UNC5C: variants seen among roughly 807,000 people sequenced by gnomAD.
UNC5C encodes netrin receptor UNC5C.
In UNC5C, 47 loss-of-function variants were observed where a neutral mutation model predicts 99.8. The observed-to-expected ratio is 0.47, with a 90% CI of 0.37 to 0.60. The LOEUF is 0.60. UNC5C is among the 20% of genes least tolerant of loss of function. The pLI is 0.00. For synonymous variants in UNC5C, 487 were observed against 452.2 expected, an observed-to-expected ratio of 1.08 and a Z score of -0.98; for missense variants, 1,062 against 1,165.9, an observed-to-expected ratio of 0.91 and a Z score of 1.30.
chr4:95,532,519 C>A (rs1048064365), intron 1 of UNC5C, among the ~76,000 whole-genome samples: 1 of 151,412 alleles, frequency 6.6e-6, no homozygotes, highest in Non-Finnish European at 1.5e-5. Context: ...CTGGAGACAC[C>A]AGAATCAACT....
intron 1 of UNC5C, among the ~76,000 whole-genome samples, chr4:95,372,568 G>A (rs1230896374): frequency 6.6e-6 from 1 of 152,112 alleles, no homozygotes; most frequent in Non-Finnish European, 1.5e-5. Context: ...TTGAGAAATA[G>A]TCAAAAACAT....
At chr4:95,247,614 T>A (rs773713708) in intron 5 of UNC5C, among the ~76,000 whole-genome samples, 4 of 152,170 alleles carry the variant, frequency 2.6e-5, no homozygotes, top group Non-Finnish European at 4.4e-5. Context: ...AGAATCCTGG[T>A]TAAAAGACCC....
rs1260024385 is a variant in UNC5C at position 95,448,225 on chromosome 4, T to TGAGAGAGAGAGAGAGAGA, written c.124+100508_124+100509insTCTCTCTCTCTCTCTCTC. Among the ~76,000 whole-genome samples, 84 of 105,694 alleles carry TGAGAGAGAGAGAGAGAGA rather than the reference T, an allele frequency of 7.9e-4. 1 individual carries two copies. Among genetic ancestry groups the TGAGAGAGAGAGAGAGAGA allele is most frequent in the East Asian group, 1.6e-3 (6 of 3,676 alleles). The allele number at this position is 105,694 out of a possible 152,430, so 69.3% of individuals were successfully genotyped here. A position where few individuals can be genotyped will look rare whatever the true frequency, so the allele number is the denominator to read the frequency against. On this transcript the variant is annotated intron_variant, in intron 1 of 15. Coordinates refer to ENST00000453304, the MANE Select transcript of UNC5C (RefSeq NM_003728.4). ...CTGTGTGTGTGTGTGTGTGTGTGTG[T>TGAGAGAGAGAGAGAGAGA]GTGAGAGAGAGAGAGAGAGAGAGAG...
chr4:95,542,958 A>G, intron 1 of UNC5C, among the ~76,000 whole-genome samples: 1 of 152,130 alleles, frequency 6.6e-6, no homozygotes, highest in East Asian at 1.9e-4. Context: ...TTCTTTTTTT[A>G]AAACTAGAAA....
chr4:95,301,134 T>G (rs541431210), intron 3 of UNC5C, among the ~76,000 whole-genome samples: 21 of 151,498 alleles, frequency 1.4e-4, no homozygotes, highest in African/African-American at 5.1e-4. Context: ...AATGAAATCT[T>G]GGCGACCTAA....
At chr4:95,360,125 T>C (rs1744343288) in intron 1 of UNC5C, among the ~76,000 whole-genome samples, 1 of 152,196 alleles carries the variant, frequency 6.6e-6, no homozygotes, top group African/African-American at 2.4e-5. Context: ...TTATTAGTTA[T>C]AGGTCTAAAC....
intron 1 of UNC5C, among the ~76,000 whole-genome samples, chr4:95,535,634 A>G (rs1722753599): frequency 6.6e-6 from 1 of 152,196 alleles, no homozygotes; most frequent in African/African-American, 2.4e-5. Context: ...TTTGCAAAGG[A>G]CATATTTTAG....
intron 1 of UNC5C, among the ~76,000 whole-genome samples, chr4:95,409,676 T>A (rs1745925285): frequency 6.6e-6 from 1 of 152,166 alleles, no homozygotes; most frequent in East Asian, 1.9e-4. Flanking sequence ...TTGGGGGATA[T>A]GTCTCTTGGA....
rs957109835 is a variant in UNC5C, at chr4:95,206,613, C to A, written c.1902+15G>T. On this transcript the variant is annotated intron_variant, in intron 11 of 15. Transcript: ENST00000453304. ...ATTATTCTTGCATAGCATCTTTATCCCGACAGCAGCTCACCTCCCACTGTC... is the reference window on the plus strand; with the variant it reads ...ATTATTCTTGCATAGCATCTTTATCACGACAGCAGCTCACCTCCCACTGTC... The A allele has an allele frequency of 6.2e-7, 1 of 1,613,912 alleles. No homozygotes were observed.
At chr4:95,208,254 G>C (rs1319350664) in intron 10 of UNC5C, among the ~76,000 whole-genome samples, 1 of 152,110 alleles carries the variant, frequency 6.6e-6, no homozygotes, top group East Asian at 1.9e-4. Context: ...TATTTAGCAG[G>C]CTCCAGTTAC....
intron 4 of UNC5C, among the ~76,000 whole-genome samples, chr4:95,259,997 T>C (rs1245193446): frequency 6.6e-6 from 1 of 152,142 alleles, no homozygotes; most frequent in Non-Finnish European, 1.5e-5. Flanking sequence ...TCAACACCCT[T>C]ATCCATGTCC....
At chr4:95,427,754 T>G (rs780947378) in intron 1 of UNC5C, among the ~76,000 whole-genome samples, 2 of 152,188 alleles carry the variant, frequency 1.3e-5, no homozygotes, top group South Asian at 2.1e-4. Context: ...GATTGTAATA[T>G]CTGCTTTATT....
chr4:95,328,070 T>A (rs1369092015), intron 2 of UNC5C, among the ~76,000 whole-genome samples: 1 of 141,990 alleles, frequency 7.0e-6, no homozygotes, highest in Non-Finnish European at 1.5e-5. Context: ...TAATTTTTTT[T>A]TTTTTTTATT....
chr4:95,202,983 G>A lies in UNC5C; in HGVS notation c.1903-19C>T, dbSNP rs768114799. On this transcript the variant is annotated intron_variant, in intron 11 of 15. Coordinates refer to ENST00000453304, the MANE Select transcript of UNC5C (RefSeq NM_003728.4). The stretch of plus-strand genomic sequence containing the variant: ...CCACATCCTGGGGGACAAGAGGGAA[G>A]GGCCATGGCTAAGTCACCCAGGACG... 2 of 1,613,268 alleles carry A rather than the reference G, an allele frequency of 1.2e-6. No homozygotes were observed. The highest frequency in any genetic ancestry group is 2.7e-5 in the African/African-American group (2 of 75,022).
chr4:95,362,660 A>G (rs1309064241), intron 1 of UNC5C, among the ~76,000 whole-genome samples: 1 of 152,176 alleles, frequency 6.6e-6, no homozygotes, highest in Non-Finnish European at 1.5e-5. Flanking sequence ...CTGTTATATC[A>G]TGTGACAACT....
intron 1 of UNC5C, among the ~76,000 whole-genome samples, chr4:95,482,765 A>T (rs1721200932): frequency 8.1e-6 from 1 of 123,194 alleles, no homozygotes; most frequent in African/African-American, 3.3e-5. Flanking sequence ...AAGGACAAAA[A>T]ACCAAACACC....
intron 3 of UNC5C, among the ~76,000 whole-genome samples, chr4:95,286,203 A>G (rs1741229644): frequency 6.6e-6 from 1 of 152,368 alleles, no homozygotes; most frequent in Admixed American, 6.5e-5. Flanking sequence ...CAAAATAAAC[A>G]TAACCAAGTG....
intron 6 of UNC5C, among the ~76,000 whole-genome samples, chr4:95,243,761 T>G (rs1475888732): frequency 6.6e-6 from 1 of 152,180 alleles, no homozygotes; most frequent in Non-Finnish European, 1.5e-5. Context: ...GAACTGGCTG[T>G]ATAAGCAAGT....
At chr4:95,544,714 G>A (rs909613331) in intron 1 of UNC5C, among the ~76,000 whole-genome samples, 11 of 152,144 alleles carry the variant, frequency 7.2e-5, no homozygotes, top group Non-Finnish European at 1.5e-4. Context: ...TTTCTAATTT[G>A]TGAGGAAATG....
Sources: gnomAD v4.1 joint callset for allele counts (sites outside exome capture counted in the v4.1 genomes callset) on GRCh38, gnomAD v4.1.1 for gene constraint, MANE v1.5 for transcripts, NCBI Gene and HGNC (gene_info 2026-07-23, HGNC 2026-07-21) for gene names.